The following RIT2 variants were observed in gnomAD, a reference collection of about 807,000 sequenced individuals.
RIT2 encodes Ras like without CAAX 2, also known as GTP-binding protein Rit2.
A neutral mutation model predicts 23.7 loss-of-function variants in RIT2; 24 were observed. The observed-to-expected ratio is 1.01, with a 90% CI of 0.73 to 1.43. The LOEUF (loss-of-function observed/expected upper bound fraction) is 1.43, where lower values mean the gene tolerates loss of function less well. Ranked by LOEUF, RIT2 falls within the 40% of genes most tolerant of loss-of-function variation. RIT2 has a pLI of 0.00. For missense variants in RIT2, 236 were observed against 266.9 expected, an observed-to-expected ratio of 0.88 and a Z score of 0.81; for synonymous variants, 107 against 91.1, an observed-to-expected ratio of 1.17 and a Z score of -0.99.
At chr18:43,004,164 T>C (rs1450409317) in intron 2 of RIT2, among the ~76,000 whole-genome samples, 2 of 151,868 alleles carry the variant, frequency 1.3e-5, no homozygotes, top group African/African-American at 4.8e-5. Flanking sequence ...TTTCATTTCA[T>C]ATTACTGTAT....
intron 4 of RIT2, among the ~76,000 whole-genome samples, chr18:42,835,644 G>T (rs16977039): frequency 1.3e-5 from 2 of 152,014 alleles, no homozygotes; most frequent in South Asian, 2.1e-4. Flanking sequence ...TAAAGATAAG[G>T]TTTTCAATGT....
intron 4 of RIT2, among the ~76,000 whole-genome samples, chr18:42,883,244 C>A (rs1292637906): frequency 2.0e-5 from 3 of 151,988 alleles, no homozygotes; most frequent in African/African-American, 7.3e-5. Flanking sequence ...ACTACTAAGG[C>A]TAAGTTAGTT....
chr18:42,755,047 A>G (rs778601612), intron 4 of RIT2, among the ~76,000 whole-genome samples: 15 of 152,278 alleles, frequency 9.9e-5, no homozygotes, highest in East Asian at 1.9e-4. Context: ...TCTCCTTCAT[A>G]GAATTGGTAA....
At chr18:42,818,765 C>T (rs1192730852) in intron 4 of RIT2, among the ~76,000 whole-genome samples, 1 of 151,958 alleles carries the variant, frequency 6.6e-6, no homozygotes, top group African/African-American at 2.4e-5. Flanking sequence ...AGCATCTGGA[C>T]TACAATACAG....
intron 4 of RIT2, among the ~76,000 whole-genome samples, chr18:42,762,899 A>G (rs1179772639): frequency 2.6e-5 from 4 of 152,210 alleles, no homozygotes; most frequent in Non-Finnish European, 4.4e-5. Context: ...GATGAGTTTC[A>G]TAATACAGCA....
chr18:43,080,721 T>C (rs1913137109), intron 1 of RIT2, among the ~76,000 whole-genome samples: 1 of 152,160 alleles, frequency 6.6e-6, no homozygotes, highest in South Asian at 2.1e-4. Flanking sequence ...AATTCTTAAA[T>C]CTCCCAATTT....
intron 4 of RIT2, among the ~76,000 whole-genome samples, chr18:42,907,569 A>G (rs1568027269): frequency 6.6e-6 from 1 of 152,214 alleles, no homozygotes; most frequent in Non-Finnish European, 1.5e-5. Context: ...TAATGACTAA[A>G]ATGTCTGGGA....
intron 1 of RIT2, among the ~76,000 whole-genome samples, chr18:43,055,657 A>C (rs1342011784): frequency 6.6e-6 from 1 of 152,154 alleles, no homozygotes; most frequent in Non-Finnish European, 1.5e-5. Context: ...TTGAGAAAAG[A>C]TGTAATTTAA....
At chr18:43,090,720 T>C (rs1438162157) in intron 1 of RIT2, among the ~76,000 whole-genome samples, 1 of 151,952 alleles carries the variant, frequency 6.6e-6, no homozygotes, top group African/African-American at 2.4e-5. Context: ...TTGCAGGAAC[T>C]TGGATGGAGC....
intron 4 of RIT2, among the ~76,000 whole-genome samples, chr18:42,796,818 A>G (rs1413800599): frequency 6.6e-6 from 1 of 152,214 alleles, no homozygotes; most frequent in Non-Finnish European, 1.5e-5. Context: ...GAACTGCATT[A>G]TAAATTCAGA....
In RIT2 at chr18:42,853,297, T is replaced by C. The variant is rs1598683762; in HGVS notation, c.426+70275A>G. On this transcript the variant is annotated intron_variant, in intron 4 of 4. Coordinates refer to ENST00000326695, the MANE Select transcript of RIT2 (RefSeq NM_002930.4). ...ATGAGATGATGTTGAGTTGTTACAATTGACACTGCACAATTTTAATAACAA... is the reference window on the plus strand; with the variant it reads ...ATGAGATGATGTTGAGTTGTTACAACTGACACTGCACAATTTTAATAACAA... Among the ~76,000 whole-genome samples, 6 of 152,336 alleles carry C rather than the reference T, an allele frequency of 3.9e-5. No homozygotes were observed. In the South Asian group the frequency reaches 1.2e-3, roughly 32 times the overall value.
intron 4 of RIT2, among the ~76,000 whole-genome samples, chr18:42,880,804 C>CT (rs397966126): frequency 0.24 from 27,208 of 115,414 alleles, 4,356 homozygotes; most frequent in East Asian, 0.42. Flanking sequence ...CTTCCTACCT[C>CT]TTTTTTTTTT....
chr18:43,063,360 C>T (rs1912696395), intron 1 of RIT2, among the ~76,000 whole-genome samples: 1 of 152,132 alleles, frequency 6.6e-6, no homozygotes, highest in Non-Finnish European at 1.5e-5. Context: ...ACTTACTTGG[C>T]TCCATTGGTG....
At chr18:42,797,391 T>C (rs564234386) in intron 4 of RIT2, among the ~76,000 whole-genome samples, 26 of 152,072 alleles carry the variant, frequency 1.7e-4, no homozygotes, top group East Asian at 1.2e-3. Flanking sequence ...TTCTGGGCTC[T>C]ACAGCCAAAA....
At chr18:42,867,569 T>C (rs372303867) in intron 4 of RIT2, among the ~76,000 whole-genome samples, 6 of 151,636 alleles carry the variant, frequency 4.0e-5, no homozygotes, top group African/African-American at 9.7e-5. Flanking sequence ...GTGGATTGCT[T>C]GAGTCCAGGA....
intron 1 of RIT2, among the ~76,000 whole-genome samples, chr18:43,103,130 G>T (rs1913727919): frequency 6.6e-6 from 1 of 152,064 alleles, no homozygotes; most frequent in Non-Finnish European, 1.5e-5. Context: ...TTGTTCCCAA[G>T]CCACACCCTT....
intron 2 of RIT2, among the ~76,000 whole-genome samples, chr18:43,009,410 A>T (rs1042452478): frequency 4.0e-5 from 6 of 151,762 alleles, no homozygotes; most frequent in Non-Finnish European, 7.4e-5. Context: ...CTGCACTCTC[A>T]GGTCCTATTT....
At chr18:43,097,537 G>A (rs922066155) in intron 1 of RIT2, among the ~76,000 whole-genome samples, 2 of 151,886 alleles carry the variant, frequency 1.3e-5, no homozygotes, top group African/African-American at 2.4e-5. Flanking sequence ...TTGGAAAAGA[G>A]TAGGATATCT....
chr18:43,048,973 T>C (rs1912315317), intron 1 of RIT2, among the ~76,000 whole-genome samples: 1 of 152,200 alleles, frequency 6.6e-6, no homozygotes, highest in Admixed American at 6.5e-5. Flanking sequence ...AACCACATGT[T>C]AGACTGAATT....
Sources: gnomAD v4.1 joint callset for allele counts (sites outside exome capture counted in the v4.1 genomes callset) on GRCh38, gnomAD v4.1.1 for gene constraint, MANE v1.5 for transcripts, NCBI Gene and HGNC (gene_info 2026-07-23, HGNC 2026-07-21) for gene names.